The following FSTL4 variants were observed in gnomAD, a reference collection of about 807,000 sequenced individuals.
FSTL4 encodes the protein follistatin-related protein 4.
Under a neutral mutation model 78.2 loss-of-function variants are expected in FSTL4, and 28 were observed. The observed-to-expected ratio is 0.36, with a 90% CI of 0.27 to 0.49. The LOEUF (loss-of-function observed/expected upper bound fraction) is 0.49, where lower values mean the gene tolerates loss of function less well. FSTL4 is among the 20% of genes least tolerant of loss of function. The pLI, the probability that FSTL4 is intolerant of heterozygous loss-of-function variation, is 0.98. For synonymous variants in FSTL4, 422 were observed against 440.5 expected (o/e 0.96, Z 0.53); for missense variants, 922 against 1,084.9 (o/e 0.85, Z 2.11).
intron 3 of FSTL4, among the ~76,000 whole-genome samples, chr5:133,552,536 TG>T (rs2112929888): frequency 6.6e-6 from 1 of 152,324 alleles, no homozygotes; most frequent in East Asian, 1.9e-4. Flanking sequence ...GTTGGTAAAA[TG>T]CCCTTATTTT....
At chr5:133,249,294 C>A in intron 7 of FSTL4, 116 bp downstream of exon 7, 1 of 811,362 alleles carries the variant, frequency 1.2e-6, no homozygotes, top group Non-Finnish European at 2.1e-6. Flanking sequence ...AGAAAAGCAC[C>A]AAACACAGGA....
chr5:133,809,854 T>C, the FSTL4 span, among the ~76,000 whole-genome samples: 1 of 152,194 alleles, frequency 6.6e-6, no homozygotes, highest in South Asian at 2.1e-4. Context: ...CACCACTGCC[T>C]TCCAACCAGT....
Position 133,401,005 on chromosome 5 carries a change from CA to C in FSTL4, c.161-20del, listed in dbSNP as rs1756212153. 1 of 1,612,328 alleles carries C rather than the reference CA, an allele frequency of 6.2e-7. No homozygotes were observed. Among genetic ancestry groups the C allele is most frequent in the Non-Finnish European group, 8.5e-7 (1 of 1,179,794 alleles). ...GAAAGCCCTGCCAGACACACAAACA[CA>C]GAGGGTCAGCTGTAAACACTCAGAG... On this transcript the variant is annotated intron_variant, in intron 3 of 15. Coordinates refer to ENST00000265342, the MANE Select transcript of FSTL4 (RefSeq NM_015082.2).
At chr5:133,467,512 G>A (rs555134145) in intron 3 of FSTL4, among the ~76,000 whole-genome samples, 213 of 152,256 alleles carry the variant, frequency 1.4e-3, no homozygotes, top group Admixed American at 4.5e-3. Flanking sequence ...GTCTTGGGCC[G>A]CCCCTACTGC....
rs78479395 is a variant in FSTL4, at chr5:133,580,923, C to T, written c.127-13704G>A. ...CACCCGCCTCCTTCAATCTGCACAG[C>T]CCCCAGAGGAACTTCCGACTCCTAC... On this transcript the variant is annotated intron_variant, in intron 2 of 15. Coordinates refer to ENST00000265342, the MANE Select transcript of FSTL4 (RefSeq NM_015082.2). 2.9e-3 allele frequency among the ~76,000 whole-genome samples: 434 copies of T among 152,274 alleles called. 1 individual carries two copies. Among genetic ancestry groups the T allele is most frequent in the African/African-American group, 9.8e-3 (408 of 41,554 alleles).
intron 3 of FSTL4, among the ~76,000 whole-genome samples, chr5:133,559,884 C>A (rs1308111142): frequency 6.6e-6 from 1 of 152,196 alleles, no homozygotes; most frequent in Non-Finnish European, 1.5e-5. Context: ...GCAAGCTCAG[C>A]AAATAGGACC....
chr5:133,313,440 A>T (rs1469715230), intron 5 of FSTL4, among the ~76,000 whole-genome samples: 1 of 152,064 alleles, frequency 6.6e-6, no homozygotes, highest in African/African-American at 2.4e-5. Flanking sequence ...TTGTGGTCTG[A>T]GCCATAGGAC....
At chr5:133,472,359 G>A (rs575848597) in intron 3 of FSTL4, among the ~76,000 whole-genome samples, 1 of 152,292 alleles carries the variant, frequency 6.6e-6, no homozygotes, top group South Asian at 2.1e-4. Context: ...AAGAGAAAGT[G>A]CAAGCCAAGA....
At chr5:133,687,600 C>G in the FSTL4 span, among the ~76,000 whole-genome samples, 1 of 152,216 alleles carries the variant, frequency 6.6e-6, no homozygotes, top group Non-Finnish European at 1.5e-5. Context: ...TTCCTACTCA[C>G]TAAGGAATGC....
the FSTL4 span, among the ~76,000 whole-genome samples, chr5:133,792,443 C>T: frequency 6.6e-6 from 1 of 152,346 alleles, no homozygotes; most frequent in East Asian, 1.9e-4. Flanking sequence ...CCAGCCCTGC[C>T]CTGCAACCTC....
rs547118652 is a variant in FSTL4 at position 133,215,511 on chromosome 5, C to T, written c.1608+1718G>A. On this transcript the variant is annotated intron_variant, in intron 13 of 15. Transcript: ENST00000265342. ...CCCCCAATCTGCTCCCTGCCTTGCCCGAAGTCTCTTCTCTTCTAACAGTAT... is the reference window on the plus strand; with the variant it reads ...CCCCCAATCTGCTCCCTGCCTTGCCTGAAGTCTCTTCTCTTCTAACAGTAT... Among the ~76,000 whole-genome samples the T allele has an allele frequency of 4.7e-5, 7 of 149,816 alleles. No individual in the cohort carries two copies. In the East Asian group the frequency reaches 9.8e-4, roughly 21 times the overall value.
chr5:133,216,640 C>CA (rs1354361920), intron 13 of FSTL4, among the ~76,000 whole-genome samples: 1 of 152,236 alleles, frequency 6.6e-6, no homozygotes, highest in African/African-American at 2.4e-5. Context: ...TGTGAGCCAC[C>CA]ACACCCAGCC....
At chr5:133,260,208 G>T (rs1402781202) in intron 6 of FSTL4, among the ~76,000 whole-genome samples, 1 of 152,190 alleles carries the variant, frequency 6.6e-6, no homozygotes, top group Non-Finnish European at 1.5e-5. Context: ...CTCCCCTACT[G>T]CATCCCTTCA....
At chr5:133,583,112 GC>G in intron 2 of FSTL4, among the ~76,000 whole-genome samples, 1 of 152,220 alleles carries the variant, frequency 6.6e-6, no homozygotes, top group East Asian at 1.9e-4. Flanking sequence ...CCTCATCTCA[GC>G]AGCAGCCCTG....
the FSTL4 span, among the ~76,000 whole-genome samples, chr5:133,642,090 C>T: frequency 3.5e-3 from 527 of 152,270 alleles, 7 homozygotes; most frequent in Non-Finnish European, 3.5e-3. Flanking sequence ...TAGGTCCCAG[C>T]TGTGTAACCT....
At chr5:133,492,787 T>C (rs10057338) in intron 3 of FSTL4, among the ~76,000 whole-genome samples, 1,892 of 152,198 alleles carry the variant, frequency 0.012, 40 homozygotes, top group African/African-American at 0.044. Context: ...TCTACGCTTT[T>C]CTTATAGACT....
the FSTL4 span, among the ~76,000 whole-genome samples, chr5:133,820,208 G>A: frequency 1.3e-4 from 20 of 152,238 alleles, no homozygotes; most frequent in East Asian, 1.5e-3. Context: ...CAGCTTCCCC[G>A]GGCCGGCTGG....
At position 133,488,422 on chromosome 5, in the gene FSTL4, T is replaced by C. The variant is rs543012542; in HGVS notation, c.160+78764A>G. Among the ~76,000 whole-genome samples, 4 of 152,268 alleles carry C rather than the reference T, an allele frequency of 2.6e-5. No homozygotes were observed. In the South Asian group the frequency reaches 8.3e-4, roughly 32 times the overall value. On this transcript the variant is annotated intron_variant, in intron 3 of 15. Coordinates refer to ENST00000265342, the MANE Select transcript of FSTL4 (RefSeq NM_015082.2). ...GGTACCCACCACCACATCCAGCTAATTTTTATATTTTGGTAGAGATGTGGT... is the reference window on the plus strand; with the variant it reads ...GGTACCCACCACCACATCCAGCTAACTTTTATATTTTGGTAGAGATGTGGT...
At chr5:133,580,221 GCCTCT>G (rs1404130671) in intron 2 of FSTL4, among the ~76,000 whole-genome samples, 332 of 152,088 alleles carry the variant, frequency 2.2e-3, no homozygotes, top group African/African-American at 7.7e-3. Context: ...ATCCCTCACA[GCCTCT>G]GTGGCTCAGC....
Sources: gnomAD v4.1 joint callset for allele counts (sites outside exome capture counted in the v4.1 genomes callset) on GRCh38, gnomAD v4.1.1 for gene constraint, MANE v1.5 for transcripts, NCBI Gene and HGNC (gene_info 2026-07-23, HGNC 2026-07-21) for gene names.